Variants in PROS1 observed in about 807,000 individuals in gnomAD.
The protein encoded by PROS1 is vitamin K-dependent protein S.
PROS1 carries 29 observed loss-of-function variants against 75.9 expected under a neutral mutation model. The ratio of observed to expected loss-of-function variants is 0.38; its 90% CI spans 0.28 to 0.52. The LOEUF (loss-of-function observed/expected upper bound fraction) is 0.52. Among genes scored for constraint, PROS1 ranks in the 20% least tolerant of loss-of-function variants. The probability of loss-of-function intolerance (pLI) is 0.83; values close to 1 mark genes in which losing one functional copy is unlikely to be tolerated. For missense variants in PROS1, 680 were observed against 810.3 expected, an observed-to-expected ratio of 0.84 and a Z score of 1.95; for synonymous variants, 245 against 280.6, an observed-to-expected ratio of 0.87 and a Z score of 1.27.
intron 12 of PROS1, among the ~76,000 whole-genome samples, chr3:93,880,870 T>C (rs1480701075): frequency 6.6e-6 from 1 of 152,216 alleles, no homozygotes; most frequent in African/African-American, 2.4e-5. Flanking sequence ...TCAGGATTTT[T>C]TTCCTTTGGC....
chr3:93,954,730 T>A (rs1321121244), intron 1 of PROS1, among the ~76,000 whole-genome samples: 1 of 152,058 alleles, frequency 6.6e-6, no homozygotes, highest in African/African-American at 2.4e-5. Context: ...ACAAATGGGA[T>A]CTAATTAAAC....
chr3:93,925,706 C>T (rs1375944452), intron 2 of PROS1, among the ~76,000 whole-genome samples: 1 of 151,134 alleles, frequency 6.6e-6, no homozygotes. Flanking sequence ...CACCTGTAGT[C>T]TCAGCGACAC....
At chr3:93,925,845 C>CT (rs950810622) in intron 2 of PROS1, among the ~76,000 whole-genome samples, 17 of 139,444 alleles carry the variant, frequency 1.2e-4, no homozygotes, top group Admixed American at 3.6e-4. Context: ...AAAAAAGTAA[C>CT]TTTTTTTTTC....
At chr3:93,962,966 A>G (rs1446389347) in intron 1 of PROS1, among the ~76,000 whole-genome samples, 1 of 152,230 alleles carries the variant, frequency 6.6e-6, no homozygotes, top group Admixed American at 6.5e-5. Flanking sequence ...GAACCATAGT[A>G]AGAGAATGCT....
intron 1 of PROS1, among the ~76,000 whole-genome samples, chr3:93,950,728 G>T (rs1033213530): frequency 6.6e-6 from 1 of 152,134 alleles, no homozygotes; most frequent in Non-Finnish European, 1.5e-5. Context: ...CACAAAGATC[G>T]GGAGAAACCA....
chr3:93,942,207 C>G (rs1327573598), intron 1 of PROS1, among the ~76,000 whole-genome samples: 1 of 152,130 alleles, frequency 6.6e-6, no homozygotes, highest in Non-Finnish European at 1.5e-5. Context: ...GCTCTGCCCC[C>G]CTCCACTCCC....
intron 4 of PROS1, 36 bp downstream of exon 4, chr3:93,910,583 T>A (rs1197927926): frequency 6.5e-7 from 1 of 1,536,634 alleles, no homozygotes; most frequent in Non-Finnish European, 9.0e-7. Context: ...ACAGAGTTTT[T>A]GTTTTGTTTT....
At chr3:93,972,811 T>C (rs1381360512) in intron 1 of PROS1, among the ~76,000 whole-genome samples, 1 of 152,142 alleles carries the variant, frequency 6.6e-6, no homozygotes, top group African/African-American at 2.4e-5. Context: ...ATCCAGCCAC[T>C]GCAGTCCAGC....
chr3:93,960,607 A>T (rs1709692443), intron 1 of PROS1, among the ~76,000 whole-genome samples: 1 of 137,738 alleles, frequency 7.3e-6, no homozygotes, highest in Non-Finnish European at 1.5e-5. Context: ...ATAACTAAAG[A>T]TGAAAGAGAT....
intron 1 of PROS1, among the ~76,000 whole-genome samples, chr3:93,957,702 GA>G (rs1709626486): frequency 6.6e-6 from 1 of 152,152 alleles, no homozygotes; most frequent in South Asian, 2.1e-4. Context: ...ATTCTTGGGG[GA>G]TTGGCTCCAG....
intron 12 of PROS1, among the ~76,000 whole-genome samples, chr3:93,880,440 A>G (rs1261630498): frequency 2.0e-5 from 3 of 152,128 alleles, no homozygotes; most frequent in African/African-American, 7.2e-5. Flanking sequence ...CAGGAGGCAG[A>G]GGTTGCAGTG....
At chr3:93,907,641 C>T (rs1299960033) in intron 4 of PROS1, among the ~76,000 whole-genome samples, 2 of 152,164 alleles carry the variant, frequency 1.3e-5, no homozygotes, top group Non-Finnish European at 2.9e-5. Context: ...TTTCTGCATA[C>T]CTCATTCTTC....
At chr3:93,936,846 A>G (rs1052077852) in intron 1 of PROS1, among the ~76,000 whole-genome samples, 2 of 152,236 alleles carry the variant, frequency 1.3e-5, no homozygotes, top group Non-Finnish European at 2.9e-5. Flanking sequence ...CTCTAGGACC[A>G]CATAAAAATG....
At chr3:93,951,543 G>A (rs913284070) in intron 1 of PROS1, among the ~76,000 whole-genome samples, 2 of 152,164 alleles carry the variant, frequency 1.3e-5, no homozygotes, top group African/African-American at 4.8e-5. Flanking sequence ...GCAAGTAAAT[G>A]CTGAGAGATT....
chr3:93,936,642 C>G (rs1709188609), intron 1 of PROS1, among the ~76,000 whole-genome samples: 1 of 152,088 alleles, frequency 6.6e-6, no homozygotes, highest in Non-Finnish European at 1.5e-5. Context: ...TAATATTGGA[C>G]TTTCTAGACT....
intron 1 of PROS1, among the ~76,000 whole-genome samples, chr3:93,952,550 A>G (rs572450628): frequency 1.3e-5 from 2 of 152,328 alleles, no homozygotes; most frequent in African/African-American, 4.8e-5. Flanking sequence ...GACACAACGT[A>G]CCAGAATCTC....
In PROS1 at chr3:93,929,889, A is replaced by G. The variant is rs1239555482; in HGVS notation, c.77-2482T>C. Among the ~76,000 whole-genome samples, 3 of 152,342 alleles carry G rather than the reference A, an allele frequency of 2.0e-5. No homozygotes were observed. The East Asian group carries it at 5.8e-4, about 29-fold the overall frequency. On this transcript the variant is annotated intron_variant, in intron 1 of 14. Coordinates refer to ENST00000394236, the MANE Select transcript of PROS1 (RefSeq NM_000313.4). ...TGGTTCTTTCACTAAGAAGATAAAC[A>G]AGTAATATAAATGTCTGAATTTCTT...
intron 1 of PROS1, among the ~76,000 whole-genome samples, chr3:93,939,183 C>G (rs1709237614): frequency 1.3e-5 from 2 of 152,182 alleles, no homozygotes; most frequent in African/African-American, 4.8e-5. Flanking sequence ...AATCCACTTT[C>G]AATTTCTCCA....
chr3:93,899,893 G>A (rs1429884362), intron 7 of PROS1, among the ~76,000 whole-genome samples: 1 of 152,090 alleles, frequency 6.6e-6, no homozygotes, highest in Non-Finnish European at 1.5e-5. Flanking sequence ...TGTAATTAAT[G>A]CCACTGAACT....
Sources: allele counts gnomAD v4.1 joint callset (sites outside exome capture counted in the v4.1 genomes callset), GRCh38; gene constraint gnomAD v4.1.1; transcripts MANE v1.5; gene names NCBI Gene and HGNC (gene_info 2026-07-23, HGNC 2026-07-21).